AP3S1: variants seen among roughly 807,000 people sequenced by gnomAD.
AP3S1 encodes AP-3 complex subunit sigma-1.
A neutral mutation model predicts 21.3 loss-of-function variants in AP3S1; 12 were observed. That is an observed-to-expected ratio of 0.56 (90% CI 0.36 to 0.91). The LOEUF (loss-of-function observed/expected upper bound fraction) is 0.91. AP3S1 is among the 40% of genes least tolerant of loss of function. The pLI, the probability that AP3S1 is intolerant of heterozygous loss-of-function variation, is 0.01. For missense variants in AP3S1, 116 were observed against 225.0 expected (o/e 0.52, Z 3.10); for synonymous variants, 48 against 78.4 (o/e 0.61, Z 2.05).
intron 5 of AP3S1, among the ~76,000 whole-genome samples, chr5:115,907,918 A>T (rs1004853611): frequency 1.3e-5 from 2 of 152,168 alleles, no homozygotes; most frequent in Non-Finnish European, 2.9e-5. Context: ...ATTTCAAAAT[A>T]AAAGTAATTT....
intron 5 of AP3S1, among the ~76,000 whole-genome samples, chr5:115,908,657 A>C (rs1323058005): frequency 6.6e-6 from 1 of 152,138 alleles, no homozygotes. Flanking sequence ...AATAATTTGG[A>C]AGGTTTTTTA....
chr5:115,864,924 T>C (rs1763496417), intron 1 of AP3S1, among the ~76,000 whole-genome samples: 2 of 152,210 alleles, frequency 1.3e-5, no homozygotes, highest in African/African-American at 2.4e-5. Context: ...CTGCTTTGAC[T>C]TCTTTTAATG....
chr5:115,886,835 A>G (rs1336370838), intron 3 of AP3S1, among the ~76,000 whole-genome samples: 3 of 152,204 alleles, frequency 2.0e-5, no homozygotes, highest in Non-Finnish European at 1.5e-5. Flanking sequence ...TAGAAGGTAG[A>G]TGGTCCTTTC....
intron 5 of AP3S1, among the ~76,000 whole-genome samples, chr5:115,910,408 C>T (rs1752006565): frequency 6.6e-6 from 1 of 151,830 alleles, no homozygotes; most frequent in Non-Finnish European, 1.5e-5. Context: ...GGGGGGACTA[C>T]TGTACTGCTA....
intron 3 of AP3S1, among the ~76,000 whole-genome samples, chr5:115,883,869 AAG>A (rs1353269491): frequency 6.6e-6 from 1 of 152,242 alleles, no homozygotes; most frequent in Non-Finnish European, 1.5e-5. Flanking sequence ...TGTACACAGA[AAG>A]AAATTATTCA....
chr5:115,869,962 A>G, intron 2 of AP3S1, 55 bp from the exon 3 acceptor site: 1 of 1,145,420 alleles, frequency 8.7e-7, no homozygotes. Context: ...GCTTGAGCTA[A>G]TGAAAATGAT....
chr5:115,891,836 C>G (rs757071521), intron 3 of AP3S1, among the ~76,000 whole-genome samples: 1 of 152,202 alleles, frequency 6.6e-6, no homozygotes, highest in African/African-American at 2.4e-5. Flanking sequence ...TGCAAAGCCA[C>G]AGGGTTGGAG....
chr5:115,891,560 CTTA>C (rs1283135990), intron 3 of AP3S1, among the ~76,000 whole-genome samples: 1 of 152,144 alleles, frequency 6.6e-6, no homozygotes, highest in African/African-American at 2.4e-5. Flanking sequence ...CATTTACCCA[CTTA>C]TTATAAAGAA....
intron 3 of AP3S1, among the ~76,000 whole-genome samples, chr5:115,889,649 A>G (rs1413652963): frequency 6.6e-6 from 1 of 152,228 alleles, no homozygotes; most frequent in Non-Finnish European, 1.5e-5. Context: ...TTTGTAATAC[A>G]TATGACAAAA....
intron 5 of AP3S1, among the ~76,000 whole-genome samples, chr5:115,906,100 G>T (rs1419407137): frequency 2.6e-5 from 4 of 152,222 alleles, no homozygotes; most frequent in Non-Finnish European, 5.9e-5. Flanking sequence ...GGAGGTTGCA[G>T]TGAGCTGATA....
chr5:115,883,261 C>A (rs1034903317), intron 3 of AP3S1, among the ~76,000 whole-genome samples: 7 of 152,318 alleles, frequency 4.6e-5, no homozygotes, highest in African/African-American at 1.7e-4. Context: ...TGAGAAAAAA[C>A]TCCTGCAGCT....
intron 1 of AP3S1, among the ~76,000 whole-genome samples, chr5:115,861,893 G>A (rs1248793706): frequency 6.9e-6 from 1 of 144,612 alleles, no homozygotes; most frequent in Non-Finnish European, 1.5e-5. Flanking sequence ...TTGAGATGGG[G>A]TCTCGCTATG....
chr5:115,854,765 G>A (rs2112791728), intron 1 of AP3S1, among the ~76,000 whole-genome samples: 1 of 149,688 alleles, frequency 6.7e-6, no homozygotes, highest in South Asian at 2.1e-4. Flanking sequence ...TTTTACTTCT[G>A]CCCTTCATGT....
intron 1 of AP3S1, among the ~76,000 whole-genome samples, chr5:115,850,910 T>G (rs2112780246): frequency 6.6e-6 from 1 of 152,202 alleles, no homozygotes; most frequent in African/African-American, 2.4e-5. Flanking sequence ...AAAGGGGACA[T>G]GGAGTGGGCT....
chr5:115,871,182 C>T (rs252736), intron 3 of AP3S1, among the ~76,000 whole-genome samples: 21,633 of 152,176 alleles, frequency 0.14, 1,817 homozygotes, highest in East Asian at 0.22. Flanking sequence ...GTTTGATATA[C>T]AAGCATGCTT....
intron 4 of AP3S1, 66 bp from the exon 5 acceptor site, chr5:115,902,819 A>G (rs1751324971): frequency 8.4e-7 from 1 of 1,186,500 alleles, no homozygotes; most frequent in African/African-American, 1.6e-5. Context: ...TGAAACAAAA[A>G]GTGAATCATG....
At chr5:115,898,140 T>C (rs1217567083) in intron 4 of AP3S1, among the ~76,000 whole-genome samples, 1 of 152,184 alleles carries the variant, frequency 6.6e-6, no homozygotes, top group Non-Finnish European at 1.5e-5. Flanking sequence ...ATCCAGAACA[T>C]TGTTAGTTTC....
chr5:115,854,289 A>T (rs963605354), intron 1 of AP3S1, among the ~76,000 whole-genome samples: 1 of 152,172 alleles, frequency 6.6e-6, no homozygotes, highest in African/African-American at 2.4e-5. Flanking sequence ...AGAATGGTTG[A>T]TGGTGGTTTA....
chr5:115,845,836 C>CAAAAAAAAAAAAAAAA (rs755171274), intron 1 of AP3S1, among the ~76,000 whole-genome samples: 2 of 34,452 alleles, frequency 5.8e-5, no homozygotes, highest in Non-Finnish European at 1.1e-4. Context: ...GACTCCATCT[C>CAAAAAAAAAAAAAAAA]AAAAAAAAAA....
Sources: allele counts gnomAD v4.1 joint callset (sites outside exome capture counted in the v4.1 genomes callset), GRCh38; gene constraint gnomAD v4.1.1; transcripts MANE v1.5; gene names NCBI Gene and HGNC (gene_info 2026-07-23, HGNC 2026-07-21).